Variants in AHRR observed in about 807,000 individuals in gnomAD.
AHRR encodes the protein aryl hydrocarbon receptor repressor.
A neutral mutation model predicts 44.0 loss-of-function variants in AHRR; 28 were observed. That is an observed-to-expected ratio of 0.64 (90% CI 0.47 to 0.87). The LOEUF is 0.87. Ranked by LOEUF, AHRR falls within the 40% of genes least tolerant of loss-of-function variation. AHRR has a pLI of 0.00. For synonymous variants in AHRR, 434 were observed against 407.0 expected (o/e 1.07, Z -0.80); for missense variants, 990 against 953.9 (o/e 1.04, Z -0.50).
At chr5:372,489 G>A (rs1002222270) in intron 3 of AHRR, among the ~76,000 whole-genome samples, 5 of 151,906 alleles carry the variant, frequency 3.3e-5, no homozygotes, top group Admixed American at 2.6e-4. Flanking sequence ...TCTTCATCTC[G>A]CCTTCTTTTC....
intron 1 of AHRR, among the ~76,000 whole-genome samples, chr5:341,489 C>T (rs1348059288): frequency 1.4e-5 from 2 of 144,712 alleles, no homozygotes; most frequent in East Asian, 2.0e-4. Flanking sequence ...CTTTCCTTCC[C>T]CTCCCCTCCC....
rs2126801249 is a variant in AHRR, at chr5:321,742, G to C, written c.-88G>C. On this transcript the variant is annotated 5_prime_UTR_variant, in exon 1 of 11. Coordinates refer to ENST00000684583, the MANE Select transcript of AHRR (RefSeq NM_001377236.1). This position sits in a 1 kb window ranked among gnomAD's most constrained non-coding sequence, Gnocchi z 8.3. Reference sequence around the variant, plus strand: ...GCGGGTTCCCGGGATGCGAGCGCCGGCACCCGCCGCCACAGCTCCTGGCCA... The same window carrying C: ...GCGGGTTCCCGGGATGCGAGCGCCGCCACCCGCCGCCACAGCTCCTGGCCA... The C allele has an allele frequency of 6.6e-6, 1 of 151,414 alleles. No individual in the cohort carries two copies. The highest frequency in any genetic ancestry group is 3.4e-3 in the Middle Eastern group (1 of 292). 9.4% of individuals were successfully genotyped at this position (151,414 alleles called of 1,614,324 possible). A position where few individuals can be genotyped will look rare whatever the true frequency, so the allele number is the denominator to read the frequency against.
intron 4 of AHRR, among the ~76,000 whole-genome samples, chr5:400,321 G>A (rs540178494): frequency 2.6e-5 from 4 of 152,164 alleles, no homozygotes; most frequent in African/African-American, 4.8e-5. Flanking sequence ...TTCTCAGAAC[G>A]TTTGCCCCAT....
chr5:390,143 G>A (rs554529129), intron 4 of AHRR, among the ~76,000 whole-genome samples: 1 of 152,224 alleles, frequency 6.6e-6, no homozygotes, highest in African/African-American at 2.4e-5. Context: ...GTGGCACAAC[G>A]CGGGGACTGC....
At chr5:325,410 G>A (rs1741671726) in intron 1 of AHRR, among the ~76,000 whole-genome samples, 1 of 152,234 alleles carries the variant, frequency 6.6e-6, no homozygotes, top group Non-Finnish European at 1.5e-5. Context: ...CCACCAGACT[G>A]GGGCCAGGCT....
At chr5:413,766 C>T (rs1368090987) in intron 5 of AHRR, among the ~76,000 whole-genome samples, 3 of 152,224 alleles carry the variant, frequency 2.0e-5, no homozygotes, top group Admixed American at 2.0e-4. Context: ...CGCTCCCAGG[C>T]AACGTCTTAA....
Position 422,876 on chromosome 5 carries a change from A to G in AHRR, c.571+18A>G. 7 of 1,601,410 alleles carry G rather than the reference A, an allele frequency of 4.4e-6. No individual in the cohort carries two copies. Among genetic ancestry groups the G allele is most frequent in the Non-Finnish European group, 5.1e-6 (6 of 1,173,742 alleles). On this transcript the variant is annotated intron_variant, in intron 6 of 10. Coordinates refer to ENST00000684583, the MANE Select transcript of AHRR (RefSeq NM_001377236.1). ...GGAGACAGGTGGGTGTCTGGGGTCC[A>G]AGTGAGTCAGCAAAACCTAAAGCAG...
chr5:325,218 C>T (rs1203112630), intron 1 of AHRR, among the ~76,000 whole-genome samples: 2 of 152,242 alleles, frequency 1.3e-5, no homozygotes, highest in African/African-American at 2.4e-5. Context: ...TGCCCTGTGG[C>T]TCTGCACTCA....
chr5:429,119 C>T (rs555722649), intron 8 of AHRR, among the ~76,000 whole-genome samples: 1 of 152,220 alleles, frequency 6.6e-6, no homozygotes, highest in Non-Finnish European at 1.5e-5. Flanking sequence ...GTCTGCCTTG[C>T]GTGCTGGGAG....
chr5:346,619 C>T (rs928903900), intron 2 of AHRR, among the ~76,000 whole-genome samples: 1 of 152,214 alleles, frequency 6.6e-6, no homozygotes, highest in Non-Finnish European at 1.5e-5. Context: ...GGAAGTGTCT[C>T]AACCCTTCCT....
At chr5:420,959 C>G (rs1250684214) in intron 5 of AHRR, 3 of 227,714 alleles carry the variant, frequency 1.3e-5, no homozygotes. Flanking sequence ...CGCACATACG[C>G]TGGCACCGCT....
chr5:333,795 C>T (rs1306726442), intron 1 of AHRR, among the ~76,000 whole-genome samples: 4 of 152,062 alleles, frequency 2.6e-5, no homozygotes, highest in Non-Finnish European at 5.9e-5. Context: ...CCTTTCTCTT[C>T]GTCTGTGATT....
At chr5:322,971 C>A (rs1741557202) in intron 1 of AHRR, among the ~76,000 whole-genome samples, 2 of 152,236 alleles carry the variant, frequency 1.3e-5, no homozygotes, top group African/African-American at 2.4e-5. Context: ...TAGAAAAATT[C>A]AGATTTCTCA....
chr5:382,418 T>G (rs1399686242), intron 4 of AHRR, among the ~76,000 whole-genome samples: 1 of 152,208 alleles, frequency 6.6e-6, no homozygotes, highest in Non-Finnish European at 1.5e-5. Flanking sequence ...TTCATCTACT[T>G]TATTGAATTT....
At chr5:418,220 C>T (rs947208871) in intron 5 of AHRR, among the ~76,000 whole-genome samples, 5 of 152,158 alleles carry the variant, frequency 3.3e-5, no homozygotes, top group African/African-American at 7.2e-5. Context: ...CTTTAGTTGA[C>T]GAAAGGAGGG....
chr5:377,139 C>A (rs1429926373), intron 4 of AHRR, among the ~76,000 whole-genome samples: 1 of 152,142 alleles, frequency 6.6e-6, no homozygotes, highest in African/African-American at 2.4e-5. Flanking sequence ...GTGTGACACC[C>A]TGGAAGCTGT....
At chr5:343,309 A>G (rs6894180) in intron 1 of AHRR, among the ~76,000 whole-genome samples, 195 of 130,306 alleles carry the variant, frequency 1.5e-3, no homozygotes, top group African/African-American at 5.1e-3. Context: ...ACAGAACCCC[A>G]CATACCCTCT....
intron 1 of AHRR, among the ~76,000 whole-genome samples, chr5:331,267 G>A (rs1167743947): frequency 1.3e-5 from 2 of 152,184 alleles, no homozygotes; most frequent in African/African-American, 2.4e-5. Flanking sequence ...TTTATTCCTG[G>A]TTCAGTCTTG....
intron 4 of AHRR, among the ~76,000 whole-genome samples, chr5:390,488 T>C (rs952376592): frequency 6.6e-6 from 1 of 152,162 alleles, no homozygotes; most frequent in Non-Finnish European, 1.5e-5. Context: ...ATTAAAAGCA[T>C]GAGAGCAAAA....
Sources: gnomAD v4.1 joint callset for allele counts (sites outside exome capture counted in the v4.1 genomes callset) on GRCh38, gnomAD v4.1.1 for gene constraint, Gnocchi (gnomAD v3.1) non-coding constraint, MANE v1.5 for transcripts, NCBI Gene and HGNC (gene_info 2026-07-23, HGNC 2026-07-21) for gene names.